The following HIP1R variants were observed in gnomAD, a reference collection of about 807,000 sequenced individuals.
The protein encoded by HIP1R is huntingtin interacting protein 1 related.
HIP1R carries 135 observed loss-of-function variants against 144.2 expected under a neutral mutation model. That is an observed-to-expected ratio of 0.94 (90% CI 0.81 to 1.08). HIP1R has a LOEUF of 1.08. Ranked by LOEUF, HIP1R falls within the 50% of genes least tolerant of loss-of-function variation. HIP1R has a pLI of 0.00. For missense variants in HIP1R, 1,462 were observed against 1,432.8 expected, an observed-to-expected ratio of 1.02 and a Z score of -0.33; for synonymous variants, 698 against 612.8, an observed-to-expected ratio of 1.14 and a Z score of -2.05.
chr12:122,841,702 G>A (rs1424699485), intron 1 of HIP1R, among the ~76,000 whole-genome samples: 1 of 152,158 alleles, frequency 6.6e-6, no homozygotes, highest in African/African-American at 2.4e-5. Flanking sequence ...GTGGAGTGAT[G>A]TCACCAGGGC....
At chr12:122,847,942 C>T in intron 1 of HIP1R, 89 bp from the exon 2 acceptor site, 2 of 1,239,928 alleles carry the variant, frequency 1.6e-6, no homozygotes, top group South Asian at 2.7e-5. Flanking sequence ...AGGCAGAATC[C>T]TGTTCAGTAT....
chr12:122,861,776 T>C lies in HIP1R; in HGVS notation c.*23T>C. The C allele has an allele frequency of 6.2e-7, 1 of 1,612,128 alleles. No individual in the cohort carries two copies. The highest frequency in any genetic ancestry group is 8.5e-7 in the Non-Finnish European group (1 of 1,178,540). Reference sequence around the variant, plus strand: ...TAGGCCCCCCAGGGGTCCAGCAGGGTGGCTGGTGACAGGCCTGGGCCTCTG... The same window carrying C: ...TAGGCCCCCCAGGGGTCCAGCAGGGCGGCTGGTGACAGGCCTGGGCCTCTG... On this transcript the variant is annotated 3_prime_UTR_variant, in exon 32 of 32. Transcript: ENST00000253083.
intron 7 of HIP1R, among the ~76,000 whole-genome samples, chr12:122,851,683 TA>T (rs754548380): frequency 0.013 from 197 of 14,696 alleles, no homozygotes; most frequent in Middle Eastern, 0.031. Flanking sequence ...GTCTCCGTCT[TA>T]AAAAAAAAAA....
intron 23 of HIP1R, 104 bp from the exon 24 acceptor site, chr12:122,859,667 AG>A: frequency 7.0e-7 from 1 of 1,427,490 alleles, no homozygotes; most frequent in East Asian, 2.3e-5. Context: ...GGCGTTTTCC[AG>A]GGGCCTGTGA....
rs1486272947 is a variant in HIP1R, at chr12:122,856,504, C to T, written c.1474C>T (p.Leu492=). ...QEEVARVKEQ[L]AFQVEQVKRE... Reference sequence around the variant, plus strand: ...GGAGGTGGCGCGGGTGAAGGAGCAGCTGGCCTTCCAGGTGGAGCAGGTGAA... The same window carrying T: ...GGAGGTGGCGCGGGTGAAGGAGCAGTTGGCCTTCCAGGTGGAGCAGGTGAA... The change falls in exon 16 of 32, where the codon CTG becomes TTG. Residue 492 remains leucine (L), a synonymous_variant. Coordinates refer to ENST00000253083, the MANE Select transcript of HIP1R (RefSeq NM_003959.3). 6.3e-7 allele frequency: 1 copy of T among 1,595,930 alleles called. No individual in the cohort carries two copies. The highest frequency in any genetic ancestry group is 2.3e-5 in the East Asian group (1 of 44,216).
At position 122,861,522 on chromosome 12, in the gene HIP1R, C is replaced by A; in HGVS notation, c.3159+8C>A. 1 of 1,608,146 alleles carries A rather than the reference C, an allele frequency of 6.2e-7. No homozygotes were observed. The highest frequency in any genetic ancestry group is 8.5e-7 in the Non-Finnish European group (1 of 1,177,468). On this transcript the variant is annotated splice_region_variant and intron_variant, in intron 31 of 31. Transcript: ENST00000253083. ...CCCAGACAGGACCACCAGGTGCCGTCTGCACTGGGATGGGGGAGTTCCTGG... is the reference window on the plus strand; with the variant it reads ...CCCAGACAGGACCACCAGGTGCCGTATGCACTGGGATGGGGGAGTTCCTGG...
At chr12:122,848,319 G>T (rs990393825) in intron 2 of HIP1R, 147 bp from the exon 3 acceptor site, 2 of 1,084,518 alleles carry the variant, frequency 1.8e-6, no homozygotes, top group Non-Finnish European at 2.6e-6. Flanking sequence ...TGTCCCCTTG[G>T]CTGGACACTG....
intron 16 of HIP1R, 38 bp from the exon 17 acceptor site, chr12:122,856,587 C>T (rs758629147): frequency 4.4e-6 from 7 of 1,598,900 alleles, no homozygotes; most frequent in Non-Finnish European, 5.1e-6. Context: ...CCCGGCATCC[C>T]CAGCCCACTG....
intron 6 of HIP1R, 121 bp from the exon 7 acceptor site, chr12:122,851,115 C>A: frequency 1.1e-6 from 1 of 943,418 alleles, no homozygotes; most frequent in Non-Finnish European, 1.6e-6. Flanking sequence ...GGCAGAGGCA[C>A]GCTGTCTCAC....
At chr12:122,839,527 G>A (rs2032998776) in intron 1 of HIP1R, among the ~76,000 whole-genome samples, 1 of 152,198 alleles carries the variant, frequency 6.6e-6, no homozygotes, top group Non-Finnish European at 1.5e-5. Flanking sequence ...TACATGCTTA[G>A]CATCCCCCGT....
At chr12:122,857,979 C>A in intron 18 of HIP1R, 123 bp from the exon 19 acceptor site, 1 of 783,426 alleles carries the variant, frequency 1.3e-6, no homozygotes, top group South Asian at 2.1e-5. Flanking sequence ...AAATCTCCAC[C>A]CCCCTGACCA....
Position 122,856,428 on chromosome 12 carries a change from G to A in HIP1R, c.1402-4G>A, listed in dbSNP as rs1333909951. 1.3e-6 allele frequency: 2 copies of A among 1,597,490 alleles called. No homozygotes were observed. The highest frequency in any genetic ancestry group is 1.7e-6 in the Non-Finnish European group (2 of 1,171,988). On this transcript the variant is annotated splice_polypyrimidine_tract_variant and splice_region_variant and intron_variant, in intron 15 of 31. Transcript: ENST00000253083. ...GAGCATGAGCCCTTCCCCTGCCCAT[G>A]CAGAACGCGGACACAGCCAAGCAGC...
intron 18 of HIP1R, chr12:122,857,454 C>G: frequency 1.7e-6 from 1 of 591,952 alleles, no homozygotes; most frequent in Non-Finnish European, 3.0e-6. Context: ...GGACAGACCA[C>G]ATTGTGTTTA....
At chr12:122,843,007 G>A (rs1178455730) in intron 1 of HIP1R, among the ~76,000 whole-genome samples, 1 of 152,242 alleles carries the variant, frequency 6.6e-6, no homozygotes, top group African/African-American at 2.4e-5. Flanking sequence ...CCAAGGGATG[G>A]GGGTAGTGGG....
Position 122,856,804 on chromosome 12 carries a change from CAGGCCCCACCT to C in HIP1R, c.1620+79_1620+89del, listed in dbSNP as rs1225579921. ...GAAGTCAGGTCCTCTTTCCCGTGAA[CAGGCCCCACCT>C]GGGTGCCACTCGGTGATCCTGGGAT... On this transcript the variant is annotated intron_variant, in intron 17 of 31. Coordinates refer to ENST00000253083, the MANE Select transcript of HIP1R (RefSeq NM_003959.3). The C allele has an allele frequency of 7.9e-6, 10 of 1,272,686 alleles. No homozygotes were observed. In the South Asian group the frequency reaches 1.3e-4, roughly 17 times the overall value. 78.8% of individuals were successfully genotyped at this position (1,272,686 alleles called of 1,614,324 possible). A position where few individuals can be genotyped will look rare whatever the true frequency, so the allele number is the denominator to read the frequency against.
intron 4 of HIP1R, among the ~76,000 whole-genome samples, chr12:122,849,201 G>A (rs2033301926): frequency 6.6e-6 from 1 of 152,264 alleles, no homozygotes; most frequent in Non-Finnish European, 1.5e-5. Context: ...GAAGAATCAG[G>A]ACTGGAGGTC....
At chr12:122,857,626 T>A (rs1267991743) in intron 18 of HIP1R, 7 of 345,940 alleles carry the variant, frequency 2.0e-5, no homozygotes, top group Non-Finnish European at 3.8e-5. Context: ...CTGCTGGGTC[T>A]CACCTCTGTT....
At chr12:122,844,451 C>T (rs1838151551) in intron 1 of HIP1R, among the ~76,000 whole-genome samples, 5 of 152,224 alleles carry the variant, frequency 3.3e-5, no homozygotes. Context: ...TTCTGTCCTG[C>T]TTCCTCCAGA....
At chr12:122,845,408 C>T (rs544379948) in intron 1 of HIP1R, among the ~76,000 whole-genome samples, 123 of 152,354 alleles carry the variant, frequency 8.1e-4, no homozygotes, top group Non-Finnish European at 7.8e-4. Context: ...CAGAGCCAGC[C>T]GGCACCCTGC....
Sources: allele counts gnomAD v4.1 joint callset (sites outside exome capture counted in the v4.1 genomes callset), GRCh38; gene constraint gnomAD v4.1.1; transcripts MANE v1.5; gene names NCBI Gene and HGNC (gene_info 2026-07-23, HGNC 2026-07-21).